Variants in RFX7 observed in about 807,000 individuals in gnomAD.
RFX7 encodes the protein DNA-binding protein RFX7.
In RFX7, 26 loss-of-function variants were observed where a neutral mutation model predicts 111.8. That is an observed-to-expected ratio of 0.23 (90% CI 0.17 to 0.32). The LOEUF (loss-of-function observed/expected upper bound fraction) is 0.32, where lower values mean the gene tolerates loss of function less well. Among genes scored for constraint, RFX7 ranks in the 10% least tolerant of loss-of-function variants. The probability of loss-of-function intolerance (pLI) is 1.00; values close to 1 mark genes in which losing one functional copy is unlikely to be tolerated. For missense variants in RFX7, 1,573 were observed against 1,772.9 expected (o/e 0.89, Z 2.02); for synonymous variants, 624 against 624.4 (o/e 1.00, Z 0.01).
rs765613419 is a variant in RFX7, at chr15:56,096,113, C to T, written c.1615G>A (p.Val539Met). 6.2e-7 allele frequency: 1 copy of T among 1,613,830 alleles called. No homozygotes were observed. The highest frequency in any genetic ancestry group is 8.5e-7 in the Non-Finnish European group (1 of 1,179,832). Residue 539 changes from valine to methionine, a missense_variant, in exon 10 of 10, where the codon GTG becomes ATG. Physicochemically the swap from Val to Met is conservative, Grantham distance 21 (BLOSUM62 1). Coordinates refer to ENST00000559447, the MANE Select transcript of RFX7 (RefSeq NM_022841.7). ...TCATCTGATGATGTTTCGGGTTCCA[C>T]TTTGACTTCCACAGCAGATGTTCCC... Reference protein sequence around the residue: ...AGGTSAVEVKVEPETSSDEHP... With the variant: ...AGGTSAVEVKMEPETSSDEHP...
Position 56,172,614 on chromosome 15 carries a change from T to G in RFX7, c.195+6656A>C, listed in dbSNP as rs115983013. On this transcript the variant is annotated intron_variant, in intron 3 of 9. Coordinates refer to ENST00000559447, the MANE Select transcript of RFX7 (RefSeq NM_022841.7). The stretch of plus-strand genomic sequence containing the variant: ...GAACAGGTATAGAATTGAGCAAGTA[T>G]TAAGTTAGGGACAAGAAATGTATTA... Among the ~76,000 whole-genome samples the G allele has an allele frequency of 3.9e-3, 592 of 152,174 alleles. 3 individuals are homozygous for G. The highest frequency in any genetic ancestry group is 0.014 in the African/African-American group (567 of 41,514).
intron 2 of RFX7, among the ~76,000 whole-genome samples, chr15:56,196,715 A>G (rs1280362665): frequency 6.6e-6 from 1 of 152,198 alleles, no homozygotes. Flanking sequence ...ATAAATTTCT[A>G]TTAAGCCATC....
Position 56,103,641 on chromosome 15 carries a change from G to C in RFX7, c.431C>G (p.Pro144Arg), listed in dbSNP as rs1288270215. The change falls in exon 6 of 10, where the codon CCA (proline) becomes CGA (arginine). Residue 144 changes from proline to arginine, a missense_variant. By Grantham distance (103) the Pro-to-Arg change is moderately radical (BLOSUM62 -2). Coordinates refer to ENST00000559447, the MANE Select transcript of RFX7 (RefSeq NM_022841.7). ...KSYCDNLGYH[P>R]LSAADFGKIM... ...CTTTCCAAAATCAGCAGCACTTAAT[G>C]GATGGTAACCAAGATTGTCACAATA... is the stretch of plus-strand genomic sequence containing the variant. The C allele has an allele frequency of 3.1e-6, 5 of 1,599,140 alleles. No homozygotes were observed. The highest frequency in any genetic ancestry group is 4.3e-6 in the Non-Finnish European group (5 of 1,172,136).
At chr15:56,112,379 CAAAAAAAAAAAA>C (rs71110374) in intron 5 of RFX7, among the ~76,000 whole-genome samples, 1 of 71,768 alleles carries the variant, frequency 1.4e-5, no homozygotes, top group African/African-American at 5.7e-5. Flanking sequence ...GAGTACAAAT[CAAAAAAAAAAAA>C]AAAAAAAAAA....
intron 3 of RFX7, among the ~76,000 whole-genome samples, chr15:56,162,100 C>A (rs183487470): frequency 8.7e-4 from 132 of 152,128 alleles, no homozygotes; most frequent in Non-Finnish European, 3.4e-4. Flanking sequence ...AGGTTTAGAT[C>A]TTTCTAGTCA....
intron 9 of RFX7, among the ~76,000 whole-genome samples, chr15:56,097,216 A>C (rs1317927368): frequency 6.6e-6 from 1 of 152,214 alleles, no homozygotes; most frequent in Non-Finnish European, 1.5e-5. Flanking sequence ...TAAAGCACCA[A>C]CTTACTCTCA....
At chr15:56,126,005 T>G (rs999136934) in intron 5 of RFX7, among the ~76,000 whole-genome samples, 1 of 152,196 alleles carries the variant, frequency 6.6e-6, no homozygotes, top group African/African-American at 2.4e-5. Flanking sequence ...CATAACAAAG[T>G]CTTTATAAAG....
intron 5 of RFX7, among the ~76,000 whole-genome samples, chr15:56,132,372 AC>A (rs2042229570): frequency 6.6e-6 from 1 of 152,038 alleles, no homozygotes. Flanking sequence ...TACCAGAAGA[AC>A]AGAGAACATA....
chr15:56,098,410 T>TA, intron 8 of RFX7, 34 bp from the exon 9 acceptor site: 1 of 1,538,544 alleles, frequency 6.5e-7, no homozygotes, highest in Non-Finnish European at 8.8e-7. Context: ...CTGCAATAAA[T>TA]ACTCTCCTTT....
intron 2 of RFX7, among the ~76,000 whole-genome samples, chr15:56,185,501 A>G (rs1448227873): frequency 6.6e-6 from 1 of 152,176 alleles, no homozygotes; most frequent in African/African-American, 2.4e-5. Flanking sequence ...TCCAACTACA[A>G]CTGGACATTT....
At position 56,095,748 on chromosome 15, in the gene RFX7, C is replaced by T. The variant is rs1347117450; in HGVS notation, c.1980G>A (p.Leu660=). 2 of 1,613,936 alleles carry T rather than the reference C, an allele frequency of 1.2e-6. No homozygotes were observed. The highest frequency in any genetic ancestry group is 1.7e-6 in the Non-Finnish European group (2 of 1,179,876). Residue 660 remains leucine (L), a synonymous_variant, in exon 10 of 10, where the codon CTG becomes CTA. Transcript: ENST00000559447. ...CCTGGGTCTCCTGCAATGTAGAAGA[C>T]AGTCGTTTTCTTGGGCTTTTAGTGC... is the stretch of plus-strand genomic sequence containing the variant. ...KLCTKSPRKR[L]SSTLQETQVP...
At chr15:56,112,102 G>A (rs2041943347) in intron 5 of RFX7, among the ~76,000 whole-genome samples, 1 of 148,600 alleles carries the variant, frequency 6.7e-6, no homozygotes, top group South Asian at 2.1e-4. Flanking sequence ...GCAATAGAGG[G>A]ACACTTTGCC....
chr15:56,142,938 C>G (rs762252424), intron 4 of RFX7, 38 bp from the exon 5 acceptor site: 1 of 1,607,846 alleles, frequency 6.2e-7, no homozygotes, highest in Admixed American at 1.7e-5. Context: ...GACCAGACAG[C>G]AATTCATTAA....
In RFX7 at chr15:56,126,343, G is replaced by A. The variant is rs73409459; in HGVS notation, c.401+16435C>T. ...AGTCTGATCTCTCATTCCCCATTAG[G>A]AGCCTTGAAAACTAATACCCCATAT... On this transcript the variant is annotated intron_variant, in intron 5 of 9. Transcript: ENST00000559447. 3.9e-3 allele frequency among the ~76,000 whole-genome samples: 597 copies of A among 152,214 alleles called. 4 individuals are homozygous for A. The highest frequency in any genetic ancestry group is 0.014 in the African/African-American group (570 of 41,548).
chr15:56,208,654 T>C (rs542759858), intron 2 of RFX7, among the ~76,000 whole-genome samples: 40 of 152,216 alleles, frequency 2.6e-4, no homozygotes, highest in African/African-American at 9.6e-4. Flanking sequence ...AGGGTTCTAA[T>C]GGATAAAGTA....
chr15:56,172,642 T>C (rs1430005171), intron 3 of RFX7, among the ~76,000 whole-genome samples: 2 of 152,148 alleles, frequency 1.3e-5, no homozygotes, highest in African/African-American at 4.8e-5. Context: ...ATGTATTAAT[T>C]TGGTGGAGTA....
intron 2 of RFX7, among the ~76,000 whole-genome samples, chr15:56,229,274 T>G (rs1245553062): frequency 2.0e-4 from 31 of 152,136 alleles, no homozygotes; most frequent in Admixed American, 2.0e-3. Flanking sequence ...TGTTGTTGTT[T>G]TGTTTTTTTG....
At chr15:56,172,872 G>A (rs1288800429) in intron 3 of RFX7, among the ~76,000 whole-genome samples, 1 of 152,124 alleles carries the variant, frequency 6.6e-6, no homozygotes, top group African/African-American at 2.4e-5. Context: ...TCTGCATGTG[G>A]CCGCAGTGGA....
chr15:56,179,128 A>T (rs1208183126), intron 3 of RFX7, 142 bp downstream of exon 3: 2 of 343,854 alleles, frequency 5.8e-6, no homozygotes, highest in Admixed American at 1.0e-4. Flanking sequence ...AATTCACCCG[A>T]GGGGGCTGTA....
Sources: gnomAD v4.1 joint callset for allele counts (sites outside exome capture counted in the v4.1 genomes callset) on GRCh38, gnomAD v4.1.1 for gene constraint, MANE v1.5 for transcripts, NCBI Gene and HGNC (gene_info 2026-07-23, HGNC 2026-07-21) for gene names.